CCDC14: variants seen among roughly 807,000 people sequenced by gnomAD.
The protein encoded by CCDC14 is coiled-coil domain-containing protein 14.
A neutral mutation model predicts 81.4 loss-of-function variants in CCDC14; 71 were observed. That is an observed-to-expected ratio of 0.87 (90% CI 0.72 to 1.06). CCDC14 has a LOEUF of 1.06. CCDC14 is among the 50% of genes least tolerant of loss of function. The pLI is 0.00. For synonymous variants in CCDC14, 332 were observed against 364.8 expected (o/e 0.91, Z 1.03); for missense variants, 1,046 against 1,047.3 (o/e 1.00, Z 0.02).
At chr3:123,955,633 G>A in intron 5 of CCDC14, 1 of 382,532 alleles carries the variant, frequency 2.6e-6, no homozygotes, top group South Asian at 6.8e-5. Flanking sequence ...AACCCTGACA[G>A]TCTCTTTTTC....
At chr3:123,899,460 C>T (rs926016276) in intron 5 of CCDC14, among the ~76,000 whole-genome samples, 13 of 152,208 alleles carry the variant, frequency 8.5e-5, no homozygotes, top group African/African-American at 1.9e-4. Context: ...GCCCTCTTCC[C>T]CTCGTCCCCG....
chr3:123,932,848 C>T lies in CCDC14; in HGVS notation c.1426+825G>A, dbSNP rs535369598. Among the ~76,000 whole-genome samples the T allele has an allele frequency of 2.3e-4, 35 of 152,166 alleles. No individual in the cohort carries two copies. In the South Asian group the frequency reaches 6.4e-3, roughly 28 times the overall value. ...GCGTGGTGGCTCATTGTCTGTAATCCCACACCTTGGGAGGCCGAGGTGAGT... is the reference window on the plus strand; with the variant it reads ...GCGTGGTGGCTCATTGTCTGTAATCTCACACCTTGGGAGGCCGAGGTGAGT... On this transcript the variant is annotated intron_variant, in intron 10 of 12. Transcript: ENST00000409697.
At position 123,955,971 on chromosome 3, in the gene CCDC14, A is replaced by C; in HGVS notation, c.230-6T>G. ...TAAATATGCTGTTTCTGAACCTATT[A>C]ATAAAACAAAAATTTGTTACATCAA... is the stretch of plus-strand genomic sequence containing the variant. On this transcript the variant is annotated splice_region_variant and splice_polypyrimidine_tract_variant and intron_variant, in intron 4 of 12. Coordinates refer to ENST00000409697, the MANE Select transcript of CCDC14 (RefSeq NM_001366335.1). The C allele has an allele frequency of 1.3e-6, 2 of 1,527,788 alleles. No homozygotes were observed. Among genetic ancestry groups the C allele is most frequent in the Non-Finnish European group, 1.8e-6 (2 of 1,137,604 alleles). The allele number at this position is 1,527,788 out of a possible 1,614,324, so 94.6% of individuals were successfully genotyped here. A position where few individuals can be genotyped will look rare whatever the true frequency, so the allele number is the denominator to read the frequency against.
rs572397142 is a variant in CCDC14 at position 123,961,165 on chromosome 3, C to T, written c.9G>A (p.Arg3=). Residue 3 remains arginine (R), a synonymous_variant, in exon 1 of 13, where the codon AGG becomes AGA. Transcript: ENST00000409697. ...TCACCTGGCCCGGTCGAGCTCCAGA[C>T]CTGACCATCTCTCGCCGCCTCAGAG... is the stretch of plus-strand genomic sequence containing the variant. MV[R]SGARPGQVLS... 14 of 1,551,628 alleles carry T rather than the reference C, an allele frequency of 9.0e-6. No homozygotes were observed. In the East Asian group the frequency reaches 1.2e-4, roughly 14 times the overall value.
At chr3:123,918,783 C>A (rs191054388) in intron 12 of CCDC14, among the ~76,000 whole-genome samples, 2 of 152,174 alleles carry the variant, frequency 1.3e-5, no homozygotes, top group Non-Finnish European at 2.9e-5. Context: ...AAGAGGGATA[C>A]AGCTCATAGC....
At chr3:123,942,203 C>T (rs537819542) in intron 9 of CCDC14, among the ~76,000 whole-genome samples, 2 of 152,198 alleles carry the variant, frequency 1.3e-5, no homozygotes, top group African/African-American at 4.8e-5. Flanking sequence ...GTTACATAAA[C>T]TCTTTGTGCC....
At chr3:123,906,404 G>C (rs1483004131) in intron 5 of CCDC14, among the ~76,000 whole-genome samples, 1 of 147,650 alleles carries the variant, frequency 6.8e-6, no homozygotes, top group African/African-American at 2.5e-5. Flanking sequence ...ACTTCCTCTA[G>C]AAGAGTTAAG....
At chr3:123,951,985 TGAC>T (rs1256406268) in intron 5 of CCDC14, among the ~76,000 whole-genome samples, 1 of 152,198 alleles carries the variant, frequency 6.6e-6, no homozygotes, top group Admixed American at 6.6e-5. Flanking sequence ...TGCAGTTATA[TGAC>T]TACTACACAG....
chr3:123,906,024 A>G (rs1004483518), intron 5 of CCDC14, among the ~76,000 whole-genome samples: 1 of 152,222 alleles, frequency 6.6e-6, no homozygotes, highest in Non-Finnish European at 1.5e-5. Flanking sequence ...TGAAAAACCA[A>G]TGAATGAGAT....
At chr3:123,959,633 T>G (rs1053590814) in intron 1 of CCDC14, among the ~76,000 whole-genome samples, 1 of 152,204 alleles carries the variant, frequency 6.6e-6, no homozygotes, top group African/African-American at 2.4e-5. Context: ...TTTAGTTTGA[T>G]GTGTCCATGC....
the CCDC14 span, among the ~76,000 whole-genome samples, chr3:123,888,691 A>C: frequency 6.6e-6 from 1 of 152,334 alleles, no homozygotes; most frequent in Admixed American, 6.5e-5. Context: ...GGCAGGAGAA[A>C]GAGAGAATGC....
chr3:123,925,388 TC>T (rs1275042945), intron 12 of CCDC14, among the ~76,000 whole-genome samples: 1 of 152,142 alleles, frequency 6.6e-6, no homozygotes, highest in East Asian at 1.9e-4. Context: ...GTACAAAGTT[TC>T]AGTTACATAG....
rs1233351095 is a variant in CCDC14, at chr3:123,949,251, G to A, written c.353-119C>T. 4 of 622,792 alleles carry A rather than the reference G, an allele frequency of 6.4e-6. No individual in the cohort carries two copies. The African/African-American group carries it at 7.4e-5, about 11-fold the overall frequency. 38.6% of individuals were successfully genotyped at this position (622,792 alleles called of 1,614,324 possible). A position where few individuals can be genotyped will look rare whatever the true frequency, so the allele number is the denominator to read the frequency against. On this transcript the variant is annotated intron_variant, in intron 5 of 12. Transcript: ENST00000409697. ...CCAATCCATCACATACTTCATAGAA[G>A]GGCTTTACCACTATCACCCCTACTA...
intron 8 of CCDC14, among the ~76,000 whole-genome samples, chr3:123,946,354 T>C (rs996323845): frequency 6.6e-5 from 10 of 152,134 alleles, no homozygotes; most frequent in African/African-American, 2.4e-4. Flanking sequence ...TAAGAAGGTA[T>C]GCGTTACTTC....
intron 12 of CCDC14, among the ~76,000 whole-genome samples, chr3:123,927,095 G>T (rs1178982464): frequency 1.3e-5 from 2 of 152,064 alleles, no homozygotes; most frequent in African/African-American, 2.4e-5. Context: ...TAAGCTCAGA[G>T]ACTTTTTTGT....
At chr3:123,905,526 T>C (rs527367521) in intron 5 of CCDC14, among the ~76,000 whole-genome samples, 5 of 152,010 alleles carry the variant, frequency 3.3e-5, no homozygotes, top group African/African-American at 1.2e-4. Flanking sequence ...GGGAGGAAGC[T>C]CTTGAAAAAT....
At chr3:123,910,576 A>C (rs1358867460), downstream of CCDC14, among the ~76,000 whole-genome samples, 1 of 151,902 alleles carries the variant, frequency 6.6e-6, no homozygotes, top group Non-Finnish European at 1.5e-5. Flanking sequence ...TCATGGTTAA[A>C]AAAAAAGTTT....
At chr3:123,924,934 CAT>C (rs1421800646) in intron 12 of CCDC14, among the ~76,000 whole-genome samples, 60 of 146,352 alleles carry the variant, frequency 4.1e-4, no homozygotes, top group Non-Finnish European at 1.3e-4. Context: ...TATACACACA[CAT>C]ATATATGTAT....
intron 12 of CCDC14, among the ~76,000 whole-genome samples, chr3:123,923,191 C>T (rs2035155101): frequency 6.6e-6 from 1 of 151,912 alleles, no homozygotes; most frequent in Non-Finnish European, 1.5e-5. Flanking sequence ...ATATGATCAT[C>T]GCAAAAGATG....
Sources: allele counts gnomAD v4.1 joint callset (sites outside exome capture counted in the v4.1 genomes callset), GRCh38; gene constraint gnomAD v4.1.1; transcripts MANE v1.5; gene names NCBI Gene and HGNC (gene_info 2026-07-23, HGNC 2026-07-21).